Variants in ACSBG2 observed in about 807,000 individuals in gnomAD.
ACSBG2 encodes the protein long-chain-fatty-acid--CoA ligase ACSBG2.
Under a neutral mutation model 74.7 loss-of-function variants are expected in ACSBG2, and 62 were observed. The ratio of observed to expected loss-of-function variants is 0.83; its 90% CI spans 0.68 to 1.03. The LOEUF (loss-of-function observed/expected upper bound fraction) is 1.03, where lower values mean the gene tolerates loss of function less well. ACSBG2 is among the 50% of genes least tolerant of loss of function. ACSBG2 has a pLI of 0.00. For synonymous variants in ACSBG2, 309 were observed against 294.1 expected, an observed-to-expected ratio of 1.05 and a Z score of -0.52; for missense variants, 730 against 817.6, an observed-to-expected ratio of 0.89 and a Z score of 1.31.
chr19:6,151,101 G>C (rs557280631), intron 3 of ACSBG2, among the ~76,000 whole-genome samples: 58 of 143,924 alleles, frequency 4.0e-4, no homozygotes, highest in African/African-American at 1.4e-3. Flanking sequence ...GCAACAGAGT[G>C]AGACTCTGTC....
At chr19:6,182,429 T>A (rs940272744) in intron 8 of ACSBG2, among the ~76,000 whole-genome samples, 1 of 152,234 alleles carries the variant, frequency 6.6e-6, no homozygotes, top group Non-Finnish European at 1.5e-5. Context: ...TGTTTCTTTG[T>A]GTGCCTGAGT....
chr19:6,155,135 T>A (rs1049189760), intron 4 of ACSBG2, among the ~76,000 whole-genome samples: 1 of 152,088 alleles, frequency 6.6e-6, no homozygotes, highest in Non-Finnish European at 1.5e-5. Flanking sequence ...GCACAACAAC[T>A]AGATCAACAG....
intron 10 of ACSBG2, 36 bp from the exon 11 acceptor site, chr19:6,185,400 C>G: frequency 6.2e-7 from 1 of 1,610,472 alleles, no homozygotes; most frequent in Non-Finnish European, 8.5e-7. Context: ...GACTTTGTCC[C>G]TATGAGCCTG....
At chr19:6,183,440 C>G (rs2090318880) in intron 10 of ACSBG2, among the ~76,000 whole-genome samples, 168 bp downstream of exon 10, 1 of 152,158 alleles carries the variant, frequency 6.6e-6, no homozygotes, top group Non-Finnish European at 1.5e-5. Context: ...CGTGGGAAAC[C>G]CTGGATGGTA....
chr19:6,172,093 GTTC>G (rs1356238889), intron 7 of ACSBG2, among the ~76,000 whole-genome samples: 1 of 151,996 alleles, frequency 6.6e-6, no homozygotes, highest in Non-Finnish European at 1.5e-5. Context: ...ATATTGAAGT[GTTC>G]TTCTAGTTTC....
rs760675119 is a variant in ACSBG2 at position 6,147,455 on chromosome 19, G to A, written c.77G>A (p.Arg26Lys). 20 of 1,614,096 alleles carry A rather than the reference G, an allele frequency of 1.2e-5. 1 individual carries two copies. The South Asian group carries it at 2.0e-4, about 16-fold the overall frequency. The change falls in exon 3 of 15, where the codon AGG becomes AAG. Residue 26 changes from arginine (R) to lysine (K), a missense_variant. Coordinates refer to ENST00000588485, the MANE Select transcript of ACSBG2 (RefSeq NM_030924.5). Reference protein sequence around the residue: ...VDMNKTEVTPRLWTTCRDGEV... With the variant: ...VDMNKTEVTPKLWTTCRDGEV... ...TGGTGACTATTTGCAGTTACTCCCAGGCTGTGGACCACCTGTCGAGATGGA... is the reference window on the plus strand; with the variant it reads ...TGGTGACTATTTGCAGTTACTCCCAAGCTGTGGACCACCTGTCGAGATGGA...
intron 5 of ACSBG2, 112 bp from the exon 6 acceptor site, chr19:6,161,099 CAAAA>C: frequency 1.8e-6 from 1 of 565,616 alleles, no homozygotes; most frequent in Non-Finnish European, 2.9e-6. Context: ...GACTGTGTCT[CAAAA>C]AAAAAAAAAG....
At chr19:6,156,737 A>G (rs1405524972) in intron 5 of ACSBG2, among the ~76,000 whole-genome samples, 186 bp downstream of exon 5, 1 of 151,682 alleles carries the variant, frequency 6.6e-6, no homozygotes, top group Non-Finnish European at 1.5e-5. Context: ...ACTGAAATAG[A>G]GGAGTTTGAT....
At chr19:6,164,898 C>A (rs141805534) in intron 6 of ACSBG2, among the ~76,000 whole-genome samples, 1 of 152,148 alleles carries the variant, frequency 6.6e-6, no homozygotes, top group Admixed American at 6.5e-5. Context: ...TGGAGTCAGA[C>A]CTTGGGTTTG....
chr19:6,190,792 C>T, intron 14 of ACSBG2, 100 bp downstream of exon 14: 1 of 553,344 alleles, frequency 1.8e-6, no homozygotes, highest in Non-Finnish European at 3.2e-6. Context: ...CTGCAGAAAA[C>T]ACACACATAC....
At chr19:6,147,179 G>T (rs1362929512) in intron 2 of ACSBG2, among the ~76,000 whole-genome samples, 2 of 152,114 alleles carry the variant, frequency 1.3e-5, no homozygotes, top group African/African-American at 4.8e-5. Flanking sequence ...ATGGTAAAAC[G>T]CTAGCAGTTG....
intron 2 of ACSBG2, among the ~76,000 whole-genome samples, chr19:6,142,548 C>G (rs1308646372): frequency 6.6e-6 from 1 of 151,882 alleles, no homozygotes; most frequent in Non-Finnish European, 1.5e-5. Context: ...GTCAGGAGAT[C>G]GAGACCATCC....
At chr19:6,136,388 G>A (rs561980035) in intron 1 of ACSBG2, among the ~76,000 whole-genome samples, 3 of 151,972 alleles carry the variant, frequency 2.0e-5, no homozygotes, top group Non-Finnish European at 2.9e-5. Flanking sequence ...CGCCATACTC[G>A]GCCTAATTTT....
At chr19:6,181,085 G>A (rs1053558031) in intron 8 of ACSBG2, among the ~76,000 whole-genome samples, 3 of 150,548 alleles carry the variant, frequency 2.0e-5, no homozygotes, top group Admixed American at 6.6e-5. Context: ...TTAGCCAGGC[G>A]TGGTGGTGTG....
At position 6,158,741 on chromosome 19, in the gene ACSBG2, CAT is replaced by C. The variant is rs567109181; in HGVS notation, c.507+2193_507+2194del. Among the ~76,000 whole-genome samples, 47 of 152,134 alleles carry C rather than the reference CAT, an allele frequency of 3.1e-4. 1 individual carries two copies. The Middle Eastern group carries it at 0.031, about 99-fold the overall frequency. On this transcript the variant is annotated intron_variant, in intron 5 of 14. Transcript: ENST00000588485. Reference sequence around the variant, plus strand: ...ATGGCATTCTCTGATCACTACTGGCCATATGTTTTCTCACATTTTATTCTCTC... The same window carrying C: ...ATGGCATTCTCTGATCACTACTGGCCATGTTTTCTCACATTTTATTCTCTC...
intron 4 of ACSBG2, among the ~76,000 whole-genome samples, chr19:6,153,246 A>G (rs1298414438): frequency 5.9e-5 from 9 of 151,906 alleles, no homozygotes. Context: ...ACTCCATCTC[A>G]AAAAAACAAA....
chr19:6,180,921 G>A lies in ACSBG2; in HGVS notation c.907-1830G>A, dbSNP rs979140805. 1.3e-5 allele frequency among the ~76,000 whole-genome samples: 2 copies of A among 152,030 alleles called. No individual in the cohort carries two copies. The highest frequency in any genetic ancestry group is 2.4e-5 in the African/African-American group (1 of 41,400). Reference sequence around the variant, plus strand: ...CTAGTAAAAAGAAAAGTAAAAGCCAGGCACGGCGGCTCACGCCTGTAATCC... The same window carrying A: ...CTAGTAAAAAGAAAAGTAAAAGCCAAGCACGGCGGCTCACGCCTGTAATCC... On this transcript the variant is annotated intron_variant, in intron 8 of 14. Coordinates refer to ENST00000588485, the MANE Select transcript of ACSBG2 (RefSeq NM_030924.5). This position sits in a 1 kb window ranked among gnomAD's most constrained non-coding sequence, Gnocchi z 4.3.
chr19:6,154,949 G>A (rs541139345), intron 4 of ACSBG2, among the ~76,000 whole-genome samples: 1 of 152,296 alleles, frequency 6.6e-6, no homozygotes, highest in African/African-American at 2.4e-5. Flanking sequence ...TATTCTGTAT[G>A]AATGAGCAGG....
In ACSBG2 at chr19:6,187,426, A is replaced by C. The variant is rs201427741; in HGVS notation, c.1680+4A>C. On this transcript the variant is annotated splice_donor_region_variant and intron_variant, in intron 12 of 14. Transcript: ENST00000588485. ...GAGCATGTTGCTGACGCTGAAGGTA[A>C]CATGGGTTTGCTGTCATTGGGGGAA... 1.9e-6 allele frequency: 3 copies of C among 1,614,124 alleles called. No homozygotes were observed. Among genetic ancestry groups the C allele is most frequent in the Non-Finnish European group, 2.5e-6 (3 of 1,180,014 alleles).
Sources: gnomAD v4.1 joint callset for allele counts (sites outside exome capture counted in the v4.1 genomes callset) on GRCh38, gnomAD v4.1.1 for gene constraint, Gnocchi (gnomAD v3.1) non-coding constraint, MANE v1.5 for transcripts, NCBI Gene and HGNC (gene_info 2026-07-23, HGNC 2026-07-21) for gene names.